MAP4K5: variants seen among roughly 807,000 people sequenced by gnomAD.
MAP4K5 encodes MAPK/ERK kinase kinase kinase 5.
Under a neutral mutation model 135.6 loss-of-function variants are expected in MAP4K5, and 82 were observed. That is an observed-to-expected ratio of 0.60 (90% CI 0.51 to 0.73). The LOEUF (loss-of-function observed/expected upper bound fraction) is 0.73. MAP4K5 is among the 30% of genes least tolerant of loss of function. The pLI is 0.00. For synonymous variants in MAP4K5, 347 were observed against 335.0 expected, an observed-to-expected ratio of 1.04 and a Z score of -0.39; for missense variants, 907 against 1,010.9, an observed-to-expected ratio of 0.90 and a Z score of 1.39.
chr14:50,490,128 A>AGTGTGT (rs1555356344), intron 3 of MAP4K5, among the ~76,000 whole-genome samples: 2 of 63,582 alleles, frequency 3.1e-5, no homozygotes, highest in African/African-American at 7.3e-5. Flanking sequence ...AGAGCGAGTG[A>AGTGTGT]GAGTGTGTGT....
intron 1 of MAP4K5, among the ~76,000 whole-genome samples, chr14:50,549,516 A>G (rs2140157727): frequency 6.6e-6 from 1 of 152,260 alleles, no homozygotes; most frequent in Non-Finnish European, 1.5e-5. Flanking sequence ...GCATACCTTA[A>G]CCTGTGTGGA....
intron 5 of MAP4K5, among the ~76,000 whole-genome samples, chr14:50,484,534 A>G (rs1026847916): frequency 2.0e-5 from 3 of 152,208 alleles, no homozygotes; most frequent in Non-Finnish European, 4.4e-5. Context: ...GTAATTTTTA[A>G]AAGCCTAAGT....
chr14:50,525,353 G>A (rs1435149109), intron 2 of MAP4K5, among the ~76,000 whole-genome samples: 7 of 152,106 alleles, frequency 4.6e-5, no homozygotes, highest in African/African-American at 4.8e-5. Flanking sequence ...GCCCCTCACC[G>A]ATTACCAGGT....
At chr14:50,528,573 T>C (rs1037423895) in intron 2 of MAP4K5, among the ~76,000 whole-genome samples, 1 of 150,152 alleles carries the variant, frequency 6.7e-6, no homozygotes, top group Non-Finnish European at 1.5e-5. Context: ...AAAAAAAAAT[T>C]AGCCAGGCAT....
chr14:50,439,881 T>G (rs1470646960), intron 23 of MAP4K5, 132 bp downstream of exon 23: 2 of 973,150 alleles, frequency 2.1e-6, no homozygotes. Flanking sequence ...GGGTAGCAAA[T>G]ATCCACAAGT....
rs140256239 is a variant in MAP4K5 at position 50,424,771 on chromosome 14, A to G, written c.2397+1136T>C. On this transcript the variant is annotated intron_variant, in intron 31 of 32. Transcript: ENST00000682126. ...TTCGGAAATGGAATCAATATTTGATACAGTAAGAAACAAGGACCTTCTGTA... is the reference window on the plus strand; with the variant it reads ...TTCGGAAATGGAATCAATATTTGATGCAGTAAGAAACAAGGACCTTCTGTA... Among the ~76,000 whole-genome samples, 768 of 152,170 alleles carry G rather than the reference A, an allele frequency of 5.0e-3. 10 individuals are homozygous for G. Among genetic ancestry groups the G allele is most frequent in the African/African-American group, 0.018 (735 of 41,518 alleles).
chr14:50,522,087 A>G (rs1162420418), intron 2 of MAP4K5, among the ~76,000 whole-genome samples: 1 of 152,178 alleles, frequency 6.6e-6, no homozygotes, highest in Non-Finnish European at 1.5e-5. Context: ...TTTTGAAAGC[A>G]AAACTAAAAA....
intron 1 of MAP4K5, among the ~76,000 whole-genome samples, chr14:50,558,788 C>A (rs994768571): frequency 6.6e-6 from 1 of 152,104 alleles, no homozygotes; most frequent in Admixed American, 6.5e-5. Context: ...GTTCTATGAA[C>A]TTGGTTTATA....
intron 1 of MAP4K5, among the ~76,000 whole-genome samples, chr14:50,553,957 G>A (rs1184253569): frequency 6.6e-6 from 1 of 152,100 alleles, no homozygotes; most frequent in Non-Finnish European, 1.5e-5. Context: ...CGGGCAAAGG[G>A]TCGGGAGGGT....
chr14:50,449,037 C>G (rs1176102016), intron 14 of MAP4K5: 1 of 479,130 alleles, frequency 2.1e-6, no homozygotes, highest in East Asian at 3.7e-5. Context: ...CCTAACATCT[C>G]TACTTAATTC....
chr14:50,450,604 T>C (rs2036461897), intron 14 of MAP4K5: 1 of 152,174 alleles, frequency 6.6e-6, no homozygotes, highest in African/African-American at 2.4e-5. Context: ...TCCAAAAATA[T>C]GCAAAGAAGT....
chr14:50,543,411 G>A (rs2038590644), intron 1 of MAP4K5, among the ~76,000 whole-genome samples: 1 of 152,186 alleles, frequency 6.6e-6, no homozygotes, highest in South Asian at 2.1e-4. Flanking sequence ...CTAGGTAGAG[G>A]TTTACCTTCC....
chr14:50,556,678 A>G (rs1348155492), intron 1 of MAP4K5, among the ~76,000 whole-genome samples: 2 of 152,212 alleles, frequency 1.3e-5, no homozygotes, highest in Non-Finnish European at 2.9e-5. Context: ...CTAAGCAACA[A>G]TTAATCTACT....
intron 13 of MAP4K5, among the ~76,000 whole-genome samples, chr14:50,462,158 A>G (rs2036724627): frequency 6.6e-6 from 1 of 152,220 alleles, no homozygotes; most frequent in Non-Finnish European, 1.5e-5. Flanking sequence ...TTCATGAAAA[A>G]TAATATGCAT....
intron 1 of MAP4K5, among the ~76,000 whole-genome samples, chr14:50,558,028 A>G (rs2038785245): frequency 6.6e-6 from 1 of 152,248 alleles, no homozygotes; most frequent in Non-Finnish European, 1.5e-5. Context: ...TGCATAGCAC[A>G]ATTTTTTTAA....
At position 50,475,161 on chromosome 14, in the gene MAP4K5, A is replaced by T; in HGVS notation, c.470-12T>A. On this transcript the variant is annotated splice_polypyrimidine_tract_variant and intron_variant, in intron 8 of 32. Coordinates refer to ENST00000682126, the MANE Select transcript of MAP4K5 (RefSeq NM_006575.6). ...CACACCAAAGTCAGCTAGTGAGGAA[A>T]AAAACAGAAAATTTTAGTTCTTTAC... is the stretch of plus-strand genomic sequence containing the variant. 6.2e-7 allele frequency: 1 copy of T among 1,612,346 alleles called. No individual in the cohort carries two copies. The highest frequency in any genetic ancestry group is 1.3e-5 in the African/African-American group (1 of 75,044).
At chr14:50,463,941 C>A in intron 12 of MAP4K5, 111 bp downstream of exon 12, 1 of 433,438 alleles carries the variant, frequency 2.3e-6, no homozygotes, top group East Asian at 4.9e-5. Flanking sequence ...TTGCTGACCC[C>A]TGCTGTAAGA....
intron 10 of MAP4K5, among the ~76,000 whole-genome samples, chr14:50,467,414 A>G (rs1341480666): frequency 6.6e-6 from 1 of 152,070 alleles, no homozygotes; most frequent in Admixed American, 6.5e-5. Flanking sequence ...TAATCTCTTT[A>G]AAACATTTTT....
intron 2 of MAP4K5, among the ~76,000 whole-genome samples, chr14:50,516,701 C>T (rs2140071062): frequency 6.6e-6 from 1 of 152,276 alleles, no homozygotes; most frequent in South Asian, 2.1e-4. Flanking sequence ...TGGTCTAATA[C>T]ATTCATTTTT....
Sources: gnomAD v4.1 joint callset for allele counts (sites outside exome capture counted in the v4.1 genomes callset) on GRCh38, gnomAD v4.1.1 for gene constraint, MANE v1.5 for transcripts, NCBI Gene and HGNC (gene_info 2026-07-23, HGNC 2026-07-21) for gene names.